DACH1: variants seen among roughly 807,000 people sequenced by gnomAD.
DACH1 encodes the protein dachshund homolog 1.
A neutral mutation model predicts 54.2 loss-of-function variants in DACH1; 12 were observed. That is an observed-to-expected ratio of 0.22 (90% CI 0.14 to 0.36). The LOEUF is 0.36. DACH1 is among the 10% of genes least tolerant of loss of function. The pLI, the probability that DACH1 is intolerant of heterozygous loss-of-function variation, is 1.00. For missense variants in DACH1, 805 were observed against 929.8 expected, an observed-to-expected ratio of 0.87 and a Z score of 1.75; for synonymous variants, 386 against 366.2, an observed-to-expected ratio of 1.05 and a Z score of -0.62.
chr13:71,673,120 G>A (rs1880303507), intron 2 of DACH1, among the ~76,000 whole-genome samples: 1 of 152,128 alleles, frequency 6.6e-6, no homozygotes, highest in South Asian at 2.1e-4. Flanking sequence ...ACCTGGAAGA[G>A]AGAAATAAAT....
intron 1 of DACH1, among the ~76,000 whole-genome samples, chr13:71,809,538 A>C (rs1242028122): frequency 6.6e-6 from 1 of 152,236 alleles, no homozygotes. Flanking sequence ...CCACAAATTA[A>C]TAAGTAAAAC....
intron 1 of DACH1, among the ~76,000 whole-genome samples, chr13:71,732,382 C>T (rs981604324): frequency 2.6e-5 from 4 of 151,762 alleles, no homozygotes; most frequent in Admixed American, 2.0e-4. Flanking sequence ...CTCAGGAGTT[C>T]GAGACCAGCC....
chr13:71,449,926 G>GGGGGGA (rs1874865729), intron 10 of DACH1, among the ~76,000 whole-genome samples: 1 of 135,304 alleles, frequency 7.4e-6, no homozygotes, highest in African/African-American at 2.7e-5. Flanking sequence ...GTTGTGGGGT[G>GGGGGGA]GGGGGAGGGG....
chr13:71,723,196 G>A (rs1883308101), intron 1 of DACH1, among the ~76,000 whole-genome samples: 1 of 150,874 alleles, frequency 6.6e-6, no homozygotes, highest in African/African-American at 2.4e-5. Context: ...GAGCCCAGGA[G>A]TTTGAGAACC....
intron 4 of DACH1, among the ~76,000 whole-genome samples, chr13:71,571,880 C>T (rs1235831461): frequency 3.3e-5 from 5 of 151,926 alleles, no homozygotes; most frequent in South Asian, 4.1e-4. Context: ...GGACTACAGG[C>T]GCCCGCCACC....
intron 6 of DACH1, 85 bp downstream of exon 6, chr13:71,556,939 A>C: frequency 2.3e-6 from 3 of 1,321,350 alleles, no homozygotes; most frequent in Non-Finnish European, 3.1e-6. Context: ...TACATGATGT[A>C]GAGATAGACT....
intron 2 of DACH1, among the ~76,000 whole-genome samples, chr13:71,668,616 A>AT (rs901502626): frequency 1.9e-4 from 29 of 150,182 alleles, no homozygotes; most frequent in African/African-American, 4.1e-4. Flanking sequence ...ACAAAACAAA[A>AT]TTTTTTTTTT....
chr13:71,543,724 C>G (rs896789853), intron 6 of DACH1, among the ~76,000 whole-genome samples: 1 of 152,064 alleles, frequency 6.6e-6, no homozygotes, highest in Admixed American at 6.6e-5. Flanking sequence ...GAATGTAGCA[C>G]CATTCATCTC....
At chr13:71,639,243 A>T (rs1877718070) in intron 2 of DACH1, among the ~76,000 whole-genome samples, 2 of 152,166 alleles carry the variant, frequency 1.3e-5, no homozygotes, top group African/African-American at 4.8e-5. Flanking sequence ...TGAAACATGC[A>T]TGTCTTCACT....
chr13:71,712,332 G>A (rs139436382), intron 1 of DACH1, among the ~76,000 whole-genome samples: 1 of 151,580 alleles, frequency 6.6e-6, no homozygotes, highest in Non-Finnish European at 1.5e-5. Context: ...AAATTAAATT[G>A]AAATATCAGG....
At chr13:71,865,707 G>A (rs541910012) in intron 1 of DACH1, among the ~76,000 whole-genome samples, 17 of 152,236 alleles carry the variant, frequency 1.1e-4, no homozygotes, top group African/African-American at 4.1e-4. Flanking sequence ...GGGAGGACCG[G>A]GCCGAAGAGC....
At chr13:71,519,222 A>C (rs553383199) in intron 6 of DACH1, among the ~76,000 whole-genome samples, 4 of 151,876 alleles carry the variant, frequency 2.6e-5, no homozygotes, top group African/African-American at 7.2e-5. Context: ...TATTTAACCC[A>C]TAACAAATGT....
At chr13:71,484,864 C>T (rs2138193721) in intron 7 of DACH1, among the ~76,000 whole-genome samples, 1 of 152,108 alleles carries the variant, frequency 6.6e-6, no homozygotes, top group Admixed American at 6.6e-5. Flanking sequence ...GAGTTTGAGA[C>T]AAGTCTGGCC....
rs75474045 is a variant in DACH1, at chr13:71,854,164, G to A, written c.848+11758C>T. On this transcript the variant is annotated intron_variant, in intron 1 of 10. Transcript: ENST00000613252. ...TAAAATACTGTAATTAAATACAATT[G>A]TATTATATTTCACAATTTTGAATTT... 9.5e-3 allele frequency among the ~76,000 whole-genome samples: 1,449 copies of A among 152,144 alleles called. 10 individuals carry two copies. The highest frequency in any genetic ancestry group is 0.022 in the South Asian group (105 of 4,826).
At chr13:71,670,719 T>C (rs1673926818) in intron 2 of DACH1, among the ~76,000 whole-genome samples, 2 of 152,186 alleles carry the variant, frequency 1.3e-5, no homozygotes, top group South Asian at 4.1e-4. Context: ...AGCAATGGCA[T>C]TGAATAAGAC....
chr13:71,752,873 A>T (rs1884987178), intron 1 of DACH1, among the ~76,000 whole-genome samples: 1 of 152,140 alleles, frequency 6.6e-6, no homozygotes, highest in Admixed American at 6.6e-5. Flanking sequence ...CCTTCTCACC[A>T]CCGTCAGATA....
intron 1 of DACH1, among the ~76,000 whole-genome samples, chr13:71,709,902 G>C (rs138073057): frequency 6.7e-4 from 102 of 152,148 alleles, no homozygotes; most frequent in African/African-American, 2.4e-3. Context: ...TGCAGTGGTG[G>C]AGTGGCGTGA....
At chr13:71,733,240 C>A (rs943115283) in intron 1 of DACH1, among the ~76,000 whole-genome samples, 12 of 151,238 alleles carry the variant, frequency 7.9e-5, no homozygotes, top group African/African-American at 2.7e-4. Flanking sequence ...CGACTCACTG[C>A]AACCTCTGTC....
At chr13:71,513,525 T>C (rs2138263237) in intron 6 of DACH1, among the ~76,000 whole-genome samples, 1 of 152,156 alleles carries the variant, frequency 6.6e-6, no homozygotes, top group Admixed American at 6.6e-5. Flanking sequence ...TTAGATTCAG[T>C]GTGTAATATG....
Sources: gnomAD v4.1 joint callset for allele counts (sites outside exome capture counted in the v4.1 genomes callset) on GRCh38, gnomAD v4.1.1 for gene constraint, MANE v1.5 for transcripts, NCBI Gene and HGNC (gene_info 2026-07-23, HGNC 2026-07-21) for gene names.